Variants in MRPL33 observed in about 807,000 individuals in gnomAD.
The protein encoded by MRPL33 is mitochondrial ribosomal protein L33, also known as large ribosomal subunit protein bL33m.
MRPL33 carries 5 observed loss-of-function variants against 10.1 expected under a neutral mutation model. That is an observed-to-expected ratio of 0.49 (90% CI 0.26 to 1.04). The LOEUF (loss-of-function observed/expected upper bound fraction) is 1.04. MRPL33 is among the 50% of genes least tolerant of loss of function. MRPL33 has a pLI of 0.14. For missense variants in MRPL33, 79 were observed against 78.1 expected, an observed-to-expected ratio of 1.01 and a Z score of -0.04; for synonymous variants, 24 against 27.7, an observed-to-expected ratio of 0.87 and a Z score of 0.42.
intron 2 of MRPL33, among the ~76,000 whole-genome samples, chr2:27,773,364 C>T (rs759613215): frequency 2.6e-5 from 4 of 152,212 alleles, no homozygotes; most frequent in Non-Finnish European, 5.9e-5. Flanking sequence ...TGTATGTTAG[C>T]GCTTTCCCTC....
At chr2:27,774,772 A>G (rs113643898) in intron 3 of MRPL33, among the ~76,000 whole-genome samples, 1 of 152,222 alleles carries the variant, frequency 6.6e-6, no homozygotes. Flanking sequence ...ATGACAAATT[A>G]TAAGTGCTGT....
intron 3 of MRPL33, among the ~76,000 whole-genome samples, chr2:27,775,567 G>A (rs961567270): frequency 6.6e-6 from 1 of 151,906 alleles, no homozygotes; most frequent in African/African-American, 2.4e-5. Flanking sequence ...AGCCACGCTG[G>A]TCTTGAACTC....
intron 3 of MRPL33, among the ~76,000 whole-genome samples, chr2:27,774,866 G>T (rs1273696704): frequency 1.3e-5 from 2 of 152,136 alleles, no homozygotes; most frequent in Non-Finnish European, 2.9e-5. Flanking sequence ...AATCAGGGAA[G>T]GTCTCTCCAG....
At chr2:27,776,053 T>C (rs1677143705) in intron 3 of MRPL33, among the ~76,000 whole-genome samples, 1 of 152,234 alleles carries the variant, frequency 6.6e-6, no homozygotes, top group Non-Finnish European at 1.5e-5. Flanking sequence ...TTTTCATCTT[T>C]AGTATGGAGG....
intron 2 of MRPL33, 151 bp from the exon 3 acceptor site, chr2:27,774,273 C>CTTAGG: frequency 1.6e-6 from 1 of 638,222 alleles, no homozygotes; most frequent in South Asian, 1.8e-5. Flanking sequence ...TCATGGAAAA[C>CTTAGG]TTAGGCTGTC....
At chr2:27,773,878 A>T (rs1273665207) in intron 2 of MRPL33, among the ~76,000 whole-genome samples, 1 of 152,258 alleles carries the variant, frequency 6.6e-6, no homozygotes, top group Non-Finnish European at 1.5e-5. Flanking sequence ...CAGTACAGGT[A>T]TTAAAAGATC....
At chr2:27,777,771 C>T (rs1677203560) in intron 3 of MRPL33, among the ~76,000 whole-genome samples, 1 of 152,176 alleles carries the variant, frequency 6.6e-6, no homozygotes, top group East Asian at 1.9e-4. Flanking sequence ...TATAGCCTTG[C>T]TCTACTAACC....
At chr2:27,771,942 C>T (rs1677056940) in intron 1 of MRPL33, 143 bp downstream of exon 1, 1 of 859,548 alleles carries the variant, frequency 1.2e-6, no homozygotes, top group Non-Finnish European at 1.8e-6. Context: ...TTCAGGACCA[C>T]AGCGTCCGGC....
chr2:27,779,445 T>A lies in MRPL33; in HGVS notation c.161T>A (p.Val54Asp). The change falls in exon 4 of 4, where the codon GTC becomes GAC. Residue 54 changes from valine (V) to aspartate (D), a missense_variant. By Grantham distance (152) the Val-to-Asp change is radical. Coordinates refer to ENST00000296102, the MANE Select transcript of MRPL33 (RefSeq NM_004891.4). ...LHYDPVVKQR[V>D]LFVEKKKIRS... ...TCTCCCTCCATAGTGAAACAAAGAGTCCTCTTCGTGGAAAAGAAAAAAATA... is the reference window on the plus strand; with the variant it reads ...TCTCCCTCCATAGTGAAACAAAGAGACCTCTTCGTGGAAAAGAAAAAAATA... 1 of 1,606,886 alleles carries A rather than the reference T, an allele frequency of 6.2e-7. No individual in the cohort carries two copies. The highest frequency in any genetic ancestry group is 1.3e-5 in the African/African-American group (1 of 74,470).
At chr2:27,772,527 G>A (rs542026796) in intron 1 of MRPL33, 147 bp from the exon 2 acceptor site, 1 of 619,156 alleles carries the variant, frequency 1.6e-6, no homozygotes, top group African/African-American at 1.9e-5. Context: ...TAATAGATAG[G>A]GAATAGTTAC....
intron 2 of MRPL33, chr2:27,772,941 C>G: frequency 2.1e-6 from 1 of 469,766 alleles, no homozygotes; most frequent in Non-Finnish European, 3.8e-6. Flanking sequence ...TTTCTAGTCC[C>G]AGGATTTGTG....
chr2:27,773,512 C>T (rs996013165), intron 2 of MRPL33, among the ~76,000 whole-genome samples: 8 of 152,200 alleles, frequency 5.3e-5, no homozygotes, highest in Admixed American at 3.3e-4. Context: ...TCTTTCTACC[C>T]TTGTGACATA....
intron 2 of MRPL33, 73 bp downstream of exon 2, chr2:27,772,765 C>T (rs1016936669): frequency 9.9e-6 from 12 of 1,207,076 alleles, no homozygotes; most frequent in Non-Finnish European, 1.3e-5. Context: ...GCTCCCAGTA[C>T]ATCCTTATAT....
At chr2:27,776,273 C>T (rs1677147311) in intron 3 of MRPL33, among the ~76,000 whole-genome samples, 1 of 152,266 alleles carries the variant, frequency 6.6e-6, no homozygotes, top group Admixed American at 6.5e-5. Context: ...TCTGGGATAG[C>T]AGACTGCCTG....
rs370260732 is a variant in MRPL33 at position 27,779,578 on chromosome 2, A to G, written c.*96A>G. 2.2e-5 allele frequency: 35 copies of G among 1,586,688 alleles called. No homozygotes were observed. The highest frequency in any genetic ancestry group is 2.6e-5 in the Non-Finnish European group (30 of 1,171,442). On this transcript the variant is annotated 3_prime_UTR_variant, in exon 4 of 4. Transcript: ENST00000296102. The stretch of plus-strand genomic sequence containing the variant: ...GTAGCGTGTAATAAAAGAAGAGGAA[A>G]TGGCATGGAATCACTGCCTCCTGTG...
chr2:27,775,041 G>A (rs1159815223), intron 3 of MRPL33, among the ~76,000 whole-genome samples: 1 of 152,180 alleles, frequency 6.6e-6, no homozygotes, highest in Admixed American at 6.5e-5. Flanking sequence ...GAAGTTAAAG[G>A]AATATGGTTT....
chr2:27,772,624 TAC>T (rs1677075733), intron 1 of MRPL33, 48 bp from the exon 2 acceptor site: 2 of 1,427,262 alleles, frequency 1.4e-6, no homozygotes, highest in East Asian at 4.8e-5. Context: ...AGAAAGAGAA[TAC>T]ATTTATATTT....
At chr2:27,778,436 GGGGTGTGTGTGTGTGT>G (rs1677215275) in intron 3 of MRPL33, among the ~76,000 whole-genome samples, 6 of 151,828 alleles carry the variant, frequency 4.0e-5, no homozygotes, top group Admixed American at 3.3e-4. Flanking sequence ...GAAATAGGTA[GGGGTGTGTGTGTGTGT>G]GGGTGTGTGG....
chr2:27,776,474 C>T (rs937184831), intron 3 of MRPL33, among the ~76,000 whole-genome samples: 2 of 152,210 alleles, frequency 1.3e-5, no homozygotes, highest in Non-Finnish European at 2.9e-5. Flanking sequence ...GGTAAGGAAA[C>T]GTGAAAAAAT....
Sources: gnomAD v4.1 joint callset for allele counts (sites outside exome capture counted in the v4.1 genomes callset) on GRCh38, gnomAD v4.1.1 for gene constraint, MANE v1.5 for transcripts, NCBI Gene and HGNC (gene_info 2026-07-23, HGNC 2026-07-21) for gene names.